Variants in PRAG1 observed in about 807,000 individuals in gnomAD.
PRAG1 encodes inactive tyrosine-protein kinase PRAG1.
In PRAG1, 110 loss-of-function variants were observed where a neutral mutation model predicts 95.6. The ratio of observed to expected loss-of-function variants is 1.15; its 90% confidence interval spans 0.99 to 1.35. The LOEUF (loss-of-function observed/expected upper bound fraction) is 1.35, where lower values mean the gene tolerates loss of function less well. Ranked by LOEUF, PRAG1 falls within the 40% of genes most tolerant of loss-of-function variation. PRAG1 has a pLI of 0.00. For missense variants in PRAG1, 2,554 were observed against 1,864.7 expected (o/e 1.37, Z -6.81); for synonymous variants, 1,052 against 819.4 (o/e 1.28, Z -4.85).
chr8:8,351,476 G>C (rs1003811109), intron 3 of PRAG1, among the ~76,000 whole-genome samples: 2 of 152,202 alleles, frequency 1.3e-5, no homozygotes, highest in East Asian at 1.9e-4. Flanking sequence ...ATAGTCTAGA[G>C]GTTCACCCTA....
chr8:8,343,283 T>A (rs1799229848), intron 3 of PRAG1, among the ~76,000 whole-genome samples: 1 of 149,342 alleles, frequency 6.7e-6, no homozygotes, highest in Non-Finnish European at 1.5e-5. Context: ...TGTGAGACTG[T>A]AGATTGGTAA....
At chr8:8,368,129 A>C (rs751697451) in intron 3 of PRAG1, among the ~76,000 whole-genome samples, 7 of 152,224 alleles carry the variant, frequency 4.6e-5, no homozygotes, top group Non-Finnish European at 8.8e-5. Flanking sequence ...ATGGCTAAAA[A>C]CCAAACTACT....
At chr8:8,329,405 T>C (rs1475053366) in intron 4 of PRAG1, among the ~76,000 whole-genome samples, 1 of 151,656 alleles carries the variant, frequency 6.6e-6, no homozygotes, top group Non-Finnish European at 1.5e-5. Context: ...ATAATAATAA[T>C]AATGGGTTGC....
Position 8,378,008 on chromosome 8 carries a change from C to T in PRAG1, c.401G>A (p.Gly134Asp), listed in dbSNP as rs538593993. The T allele has an allele frequency of 3.1e-6, 5 of 1,592,948 alleles. No homozygotes were observed. The African/African-American group carries it at 4.0e-5, about 13-fold the overall frequency. Residue 134 changes from glycine (G) to aspartate (D), a missense_variant, in exon 3 of 6, where the codon GGC (glycine) becomes GAC (aspartate). By Grantham distance (94) the Gly-to-Asp change is moderately conservative. Coordinates refer to ENST00000615670, the MANE Select transcript of PRAG1 (RefSeq NM_001080826.3). The part of the protein sequence containing the change: ...KQEDAPVVYL[G>D]SFRGVQKPAG... ...AGGCTTCTGTACACCTCGGAAGCTGCCCAGGTAGACGACGGGGGCATCCTC... is the reference window on the plus strand; with the variant it reads ...AGGCTTCTGTACACCTCGGAAGCTGTCCAGGTAGACGACGGGGGCATCCTC...
intron 4 of PRAG1, among the ~76,000 whole-genome samples, chr8:8,333,224 T>C (rs1798878164): frequency 6.6e-6 from 1 of 152,226 alleles, no homozygotes. Context: ...GCCTCATTTG[T>C]TGGTTTTTAA....
intron 2 of PRAG1, among the ~76,000 whole-genome samples, chr8:8,380,832 G>C (rs746754331): frequency 8.5e-6 from 1 of 118,044 alleles, no homozygotes; most frequent in African/African-American, 3.5e-5. Flanking sequence ...CAGCCTGGAC[G>C]ACAGAGAGAG....
intron 5 of PRAG1, among the ~76,000 whole-genome samples, chr8:8,325,965 CCTTA>C (rs1192794952): frequency 6.6e-6 from 1 of 150,950 alleles, no homozygotes; most frequent in African/African-American, 2.4e-5. Context: ...CCCAAGGGCC[CCTTA>C]CTTCTTGCAG....
Position 8,318,179 on chromosome 8 carries a change from G to C in PRAG1, c.4196C>G (p.Ser1399Trp), listed in dbSNP as rs745581489. 6.2e-7 allele frequency: 1 copy of C among 1,613,666 alleles called. No homozygotes were observed. Among genetic ancestry groups the C allele is most frequent in the Non-Finnish European group, 8.5e-7 (1 of 1,179,852 alleles). The change falls in exon 6 of 6, where the codon TCG becomes TGG. Residue 1399 changes from serine to tryptophan, a missense_variant. By Grantham distance (177) the Ser-to-Trp change is radical. Transcript: ENST00000615670. The surrounding 1 kb of genome is among the most constrained non-coding windows in gnomAD (Gnocchi z 4.2). The part of the protein sequence containing the change: ...ASAEPGALLQ[S>W]LKLLQLL ...TCACAGAAGCTGCAGGAGCTTCAGC[G>C]ACTGTAAGAGGGCCCCGGGCTCCGC...
chr8:8,356,517 T>G (rs1294035230), intron 3 of PRAG1, among the ~76,000 whole-genome samples: 2 of 152,142 alleles, frequency 1.3e-5, no homozygotes, highest in African/African-American at 2.4e-5. Context: ...AGCTAATTTT[T>G]TTGTATTTTT....
rs528492813 is a variant in PRAG1 at position 8,328,049 on chromosome 8, C to T, written c.2733G>A (p.Gln911=). ...ATGAGGCGGAGGGGGCCCCTTTGCA[C>T]TGGAGGCCAGGGCTCCCGCAGCCGC... ...NRGGCGSPGL[Q]CKGAPSASSS... is the part of the protein sequence containing the mutation. Residue 911 remains glutamine (Q), a synonymous_variant, in exon 5 of 6, where the codon CAG becomes CAA. Coordinates refer to ENST00000615670, the MANE Select transcript of PRAG1 (RefSeq NM_001080826.3). 20 of 1,591,176 alleles carry T rather than the reference C, an allele frequency of 1.3e-5. No individual in the cohort carries two copies. In the East Asian group the frequency reaches 4.2e-4, roughly 34 times the overall value.
intron 3 of PRAG1, among the ~76,000 whole-genome samples, chr8:8,367,979 A>G (rs1800067377): frequency 6.6e-6 from 1 of 152,172 alleles, no homozygotes. Context: ...TTTGACTGCC[A>G]TATGGAGCTC....
chr8:8,362,049 C>A (rs1469964628), intron 3 of PRAG1, among the ~76,000 whole-genome samples: 2 of 152,206 alleles, frequency 1.3e-5, no homozygotes, highest in Non-Finnish European at 2.9e-5. Context: ...TAACCTCACG[C>A]ACTTGAGGTT....
rs752640525 is a variant in PRAG1 at position 8,376,335 on chromosome 8, T to C, written c.2074A>G (p.Ser692Gly). The change falls in exon 3 of 6, where the codon AGC becomes GGC. Residue 692 changes from serine to glycine, a missense_variant. By Grantham distance (56) the Ser-to-Gly change is moderately conservative. Coordinates refer to ENST00000615670, the MANE Select transcript of PRAG1 (RefSeq NM_001080826.3). ...TCAAAGGCAAAAGAGGCGGATTTGC[T>C]CATCCCGGTCCCAACTTTGCTGTTC... ...GQNSKVGTGM[S>G]KSASFAFEFP... is the part of the protein sequence containing the mutation. 3.1e-6 allele frequency: 5 copies of C among 1,614,072 alleles called. No individual in the cohort carries two copies. The highest frequency in any genetic ancestry group is 4.5e-5 in the East Asian group (2 of 44,888).
rs1313548839 is a variant in PRAG1, at chr8:8,327,781, A to T, written c.3001T>A (p.Cys1001Ser). The T allele has an allele frequency of 6.2e-7, 1 of 1,614,110 alleles. No individual in the cohort carries two copies. The highest frequency in any genetic ancestry group is 1.3e-5 in the African/African-American group (1 of 74,940). ...LFKLTCNKPC[C>S]DSGDAIYYCA... is the part of the protein sequence containing the mutation. ...TAATAAATGGCATCCCCCGAGTCACAGCAGGGCTTGTTACAAGTCAGCTTG... is the reference window on the plus strand; with the variant it reads ...TAATAAATGGCATCCCCCGAGTCACTGCAGGGCTTGTTACAAGTCAGCTTG... The change falls in exon 5 of 6, where the codon TGT becomes AGT. Residue 1001 changes from cysteine (C) to serine (S), a missense_variant. By Grantham distance (112) the Cys-to-Ser change is moderately radical. Transcript: ENST00000615670.
Position 8,339,534 on chromosome 8 carries a change from A to G in PRAG1, c.2264T>C (p.Phe755Ser). The G allele has an allele frequency of 5.6e-6, 9 of 1,614,138 alleles. No homozygotes were observed. The highest frequency in any genetic ancestry group is 7.6e-6 in the Non-Finnish European group (9 of 1,180,022). Residue 755 changes from phenylalanine to serine, a missense_variant, in exon 4 of 6, where the codon TTC (phenylalanine) becomes TCC (serine). Phe to Ser is a radical substitution (Grantham distance 155). Coordinates refer to ENST00000615670, the MANE Select transcript of PRAG1 (RefSeq NM_001080826.3). ...SPSFRGVHVS[F>S]TTGSTDSLAS... ...CAGGCTGTCCGTGGAGCCGGTGGTG[A>G]AGCTGACGTGGACACCCCTGAAGGA... is the stretch of plus-strand genomic sequence containing the variant.
intron 3 of PRAG1, 149 bp from the exon 4 acceptor site, chr8:8,339,784 G>T: frequency 1.4e-6 from 1 of 711,556 alleles, no homozygotes; most frequent in Non-Finnish European, 2.2e-6. Flanking sequence ...TGGGGAGACA[G>T]TAGAGGTTCT....
At chr8:8,342,830 T>C (rs1012478609) in intron 3 of PRAG1, among the ~76,000 whole-genome samples, 13 of 152,130 alleles carry the variant, frequency 8.5e-5, no homozygotes, top group African/African-American at 2.7e-4. Context: ...GAGAAAACTT[T>C]ATGAACTTGG....
chr8:8,377,530 C>T lies in PRAG1; in HGVS notation c.879G>A (p.Lys293=). The T allele has an allele frequency of 6.3e-7, 1 of 1,584,294 alleles. No homozygotes were observed. The highest frequency in any genetic ancestry group is 8.6e-7 in the Non-Finnish European group (1 of 1,164,038). The change falls in exon 3 of 6, where the codon AAG becomes AAA. Residue 293 remains lysine, a synonymous_variant. Transcript: ENST00000615670. ...TCTCCTGCTCTGCGGGCCCGGAACA[C>T]TTCCCCTGCTCCCAGCACGTGGGTG... The part of the protein sequence containing the change: ...DCSPTCWEQG[K]CSGPAEQEKR...
chr8:8,330,323 G>A (rs1038610008), intron 4 of PRAG1, among the ~76,000 whole-genome samples: 2 of 152,198 alleles, frequency 1.3e-5, no homozygotes, highest in Non-Finnish European at 2.9e-5. Flanking sequence ...CCGAGACTGT[G>A]CCACCGCACT....
Sources: gnomAD v4.1 joint callset for allele counts (sites outside exome capture counted in the v4.1 genomes callset) on GRCh38, gnomAD v4.1.1 for gene constraint, Gnocchi (gnomAD v3.1) non-coding constraint, MANE v1.5 for transcripts, NCBI Gene and HGNC (gene_info 2026-07-23, HGNC 2026-07-21) for gene names.